FAM81A: variants seen among roughly 807,000 people sequenced by gnomAD.
The protein encoded by FAM81A is protein FAM81A.
FAM81A carries 19 observed loss-of-function variants against 46.7 expected under a neutral mutation model. That is an observed-to-expected ratio of 0.41 (90% confidence interval 0.28 to 0.60). The LOEUF is 0.60. FAM81A is among the 20% of genes least tolerant of loss of function. FAM81A has a pLI of 0.34. For synonymous variants in FAM81A, 183 were observed against 152.9 expected, an observed-to-expected ratio of 1.20 and a Z score of -1.45; for missense variants, 377 against 453.5, an observed-to-expected ratio of 0.83 and a Z score of 1.53.
Position 59,467,854 on chromosome 15 carries a change from A to G in FAM81A, c.294+7648A>G, listed in dbSNP as rs184145516. 6.5e-3 allele frequency among the ~76,000 whole-genome samples: 994 copies of G among 152,258 alleles called. 15 individuals carry two copies. The highest frequency in any genetic ancestry group is 0.022 in the African/African-American group (919 of 41,556). The stretch of plus-strand genomic sequence containing the variant: ...ATATTGGCTGTGGGTTTGTCATAAA[A>G]TAGCTCTTATTATTTTGAGATACGT... On this transcript the variant is annotated intron_variant, in intron 3 of 8. Transcript: ENST00000288228.
intron 2 of FAM81A, among the ~76,000 whole-genome samples, chr15:59,405,456 C>T (rs1388629864): frequency 6.6e-6 from 1 of 152,034 alleles, no homozygotes; most frequent in Non-Finnish European, 1.5e-5. Flanking sequence ...GCCAGGACAA[C>T]ATGGCAAAAC....
chr15:59,506,091 A>T lies in FAM81A; in HGVS notation c.414-1122A>T, dbSNP rs752449625. ...TGTGACCATCTGTAAGCCAGGCCTG[A>T]CTTTCTCCCTCAGTCCACCTGGTCA... On this transcript the variant is annotated intron_variant, in intron 4 of 8. Coordinates refer to ENST00000288228, the MANE Select transcript of FAM81A (RefSeq NM_152450.3). Among the ~76,000 whole-genome samples, 27 of 152,086 alleles carry T rather than the reference A, an allele frequency of 1.8e-4. 1 individual carries two copies. Among genetic ancestry groups the T allele is most frequent in the Non-Finnish European group, 3.7e-4 (25 of 68,006 alleles).
chr15:59,493,582 C>T (rs977105229), intron 4 of FAM81A, among the ~76,000 whole-genome samples: 15 of 152,054 alleles, frequency 9.9e-5, no homozygotes, highest in African/African-American at 3.6e-4. Flanking sequence ...GCCTTTCCTC[C>T]TCCTTTTCTT....
intron 8 of FAM81A, 135 bp from the exon 9 acceptor site, chr15:59,521,119 A>G: frequency 1.0e-6 from 1 of 984,742 alleles, no homozygotes; most frequent in Non-Finnish European, 1.4e-6. Flanking sequence ...CCTGTTCCCC[A>G]TCATACTTTC....
Position 59,479,737 on chromosome 15 carries a change from G to A in FAM81A, c.295-12534G>A, listed in dbSNP as rs180758811. Among the ~76,000 whole-genome samples, 287 of 152,132 alleles carry A rather than the reference G, an allele frequency of 1.9e-3. 2 individuals are homozygous for A. The highest frequency in any genetic ancestry group is 2.6e-3 in the Non-Finnish European group (178 of 67,998). The stretch of plus-strand genomic sequence containing the variant: ...AGCAGAAAGGGGACCAGTGGATGGA[G>A]TGCTGTGAGCTGGGGGAAGGGCAGC... On this transcript the variant is annotated intron_variant, in intron 3 of 8. Coordinates refer to ENST00000288228, the MANE Select transcript of FAM81A (RefSeq NM_152450.3).
At chr15:59,458,456 A>C (rs2081510235) in intron 1 of FAM81A, 94 bp from the exon 2 acceptor site, 1 of 752,098 alleles carries the variant, frequency 1.3e-6, no homozygotes, top group African/African-American at 1.8e-5. Flanking sequence ...GTTTCAACAT[A>C]ATTTATGATC....
At chr15:59,435,264 C>T (rs1019058134), upstream of FAM81A, among the ~76,000 whole-genome samples, 13 of 150,286 alleles carry the variant, frequency 8.7e-5, 1 homozygote, top group Non-Finnish European at 1.2e-4. Flanking sequence ...TCCAGCCTGG[C>T]GACAGAGCAA....
chr15:59,456,026 G>T (rs1015431277), intron 1 of FAM81A, among the ~76,000 whole-genome samples: 1 of 152,188 alleles, frequency 6.6e-6, no homozygotes, highest in Non-Finnish European at 1.5e-5. Context: ...TGTAAGGAGC[G>T]TGTCATTTAG....
intron 4 of FAM81A, among the ~76,000 whole-genome samples, chr15:59,492,680 C>T (rs745883970): frequency 2.0e-5 from 3 of 151,970 alleles, no homozygotes; most frequent in South Asian, 2.1e-4. Flanking sequence ...TTATCGAATC[C>T]GAAAATATAA....
At chr15:59,419,731 G>A (rs370646073) in intron 2 of FAM81A, among the ~76,000 whole-genome samples, 5 of 151,998 alleles carry the variant, frequency 3.3e-5, no homozygotes, top group East Asian at 1.9e-4. Context: ...AAAATTGGCC[G>A]GGCGTGCTGG....
intron 4 of FAM81A, among the ~76,000 whole-genome samples, chr15:59,497,664 G>A (rs979384412): frequency 6.6e-6 from 1 of 151,900 alleles, no homozygotes; most frequent in Non-Finnish European, 1.5e-5. Flanking sequence ...GAGGCCAGGA[G>A]TTTGAGGCCA....
At chr15:59,472,312 TG>T (rs1283264285) in intron 3 of FAM81A, among the ~76,000 whole-genome samples, 4 of 152,228 alleles carry the variant, frequency 2.6e-5, no homozygotes, top group African/African-American at 7.2e-5. Context: ...TACTCCAGCA[TG>T]GGTAACAGAG....
At chr15:59,423,985 A>G (rs1258790129) in intron 2 of FAM81A, among the ~76,000 whole-genome samples, 1 of 152,104 alleles carries the variant, frequency 6.6e-6, no homozygotes, top group African/African-American at 2.4e-5. Flanking sequence ...TGCTCCTTTC[A>G]CTGCGGAACT....
intron 4 of FAM81A, among the ~76,000 whole-genome samples, chr15:59,499,859 ATT>A (rs746846741): frequency 6.0e-5 from 8 of 134,452 alleles, no homozygotes; most frequent in Non-Finnish European, 4.8e-5. Context: ...TTTCATTTTC[ATT>A]TTTTTTTTTT....
chr15:59,423,252 A>T (rs1052031193), intron 2 of FAM81A, among the ~76,000 whole-genome samples: 3 of 151,994 alleles, frequency 2.0e-5, no homozygotes, highest in Non-Finnish European at 2.9e-5. Context: ...GCGCCCGCCA[A>T]CACGCCTGGC....
Position 59,492,356 on chromosome 15 carries a change from C to T in FAM81A, c.380C>T (p.Ser127Phe). Residue 127 changes from serine (S) to phenylalanine (F), a missense_variant, in exon 4 of 9, where the codon TCC (serine) becomes TTC (phenylalanine). Physicochemically the swap from Ser to Phe is radical, Grantham distance 155. Coordinates refer to ENST00000288228, the MANE Select transcript of FAM81A (RefSeq NM_152450.3). ...ALKTLEMRQLSGLGDLRGRVA... is the reference protein window; with the variant it reads ...ALKTLEMRQLFGLGDLRGRVA... The stretch of plus-strand genomic sequence containing the variant: ...AAGACCCTGGAGATGCGCCAGCTCT[C>T]CGGTTTGGGAGATCTTCGAGGAAGA... 6.2e-7 allele frequency: 1 copy of T among 1,613,696 alleles called. No individual in the cohort carries two copies.
At chr15:59,447,698 C>T (rs144268700) in intron 1 of FAM81A, among the ~76,000 whole-genome samples, 363 of 152,186 alleles carry the variant, frequency 2.4e-3, no homozygotes, top group African/African-American at 8.3e-3. Flanking sequence ...CTTCTTTTAC[C>T]AAAGCACATG....
chr15:59,409,702 A>G (rs1486524623), intron 2 of FAM81A, among the ~76,000 whole-genome samples: 1 of 152,216 alleles, frequency 6.6e-6, no homozygotes, highest in East Asian at 1.9e-4. Flanking sequence ...GTCCTCATCA[A>G]TAATAATAAT....
At chr15:59,478,787 A>G (rs2081807515) in intron 3 of FAM81A, among the ~76,000 whole-genome samples, 1 of 152,204 alleles carries the variant, frequency 6.6e-6, no homozygotes, top group Non-Finnish European at 1.5e-5. Context: ...TGAATAAATT[A>G]GTGTTCTGGT....
Sources: allele counts gnomAD v4.1 joint callset (sites outside exome capture counted in the v4.1 genomes callset), GRCh38; gene constraint gnomAD v4.1.1; transcripts MANE v1.5; gene names NCBI Gene and HGNC (gene_info 2026-07-23, HGNC 2026-07-21).